The following KASH5 variants were observed in gnomAD, a reference collection of about 807,000 sequenced individuals.
KASH5 encodes the protein protein KASH5.
In KASH5, 72 loss-of-function variants were observed where a neutral mutation model predicts 84.2. The observed-to-expected ratio is 0.85, with a 90% CI of 0.71 to 1.04. The LOEUF (loss-of-function observed/expected upper bound fraction) is 1.04, where lower values mean the gene tolerates loss of function less well. Among genes scored for constraint, KASH5 ranks in the 50% least tolerant of loss-of-function variants. KASH5 has a pLI of 0.00. For synonymous variants in KASH5, 260 were observed against 279.1 expected, an observed-to-expected ratio of 0.93 and a Z score of 0.68; for missense variants, 650 against 701.0, an observed-to-expected ratio of 0.93 and a Z score of 0.82.
chr19:49,395,155 C>T lies in KASH5; in HGVS notation c.198C>T (p.Gly66=), dbSNP rs374512280. The T allele has an allele frequency of 2.0e-4, 317 of 1,612,720 alleles. No individual in the cohort carries two copies. In the African/African-American group the frequency reaches 4.0e-3, roughly 20 times the overall value. The change falls in exon 4 of 20, where the codon GGC becomes GGT. Residue 66 remains glycine, a synonymous_variant. Coordinates refer to ENST00000447857, the MANE Select transcript of KASH5 (RefSeq NM_144688.5). This position sits in a 1 kb window ranked among gnomAD's most constrained non-coding sequence, Gnocchi z 4.4. The stretch of plus-strand genomic sequence containing the variant: ...TGGCCTACCTGGAGGCTGTGACAGG[C>T]CAGGGCCCCCAGGATGCACGCCTCC... ...QVLAYLEAVT[G]QGPQDARLQT...
intron 7 of KASH5, 147 bp from the exon 8 acceptor site, chr19:49,398,878 G>A: frequency 3.2e-6 from 2 of 625,542 alleles, no homozygotes; most frequent in Non-Finnish European, 5.6e-6. Context: ...TTCTCTCTGG[G>A]TCTCTGTCCT....
chr19:49,402,876 A>G (rs1974405707), intron 9 of KASH5, among the ~76,000 whole-genome samples: 1 of 151,532 alleles, frequency 6.6e-6, no homozygotes, highest in African/African-American at 2.5e-5. Flanking sequence ...ACTTCAATCT[A>G]CACGACATTC....
intron 14 of KASH5, 120 bp downstream of exon 14, chr19:49,409,403 C>T (rs1386892553): frequency 1.6e-5 from 17 of 1,067,978 alleles, no homozygotes; most frequent in Middle Eastern, 2.0e-4. Context: ...AGGCTCCTAT[C>T]GCAACCTTAG....
intron 9 of KASH5, among the ~76,000 whole-genome samples, chr19:49,403,085 C>G (rs1974413167): frequency 6.6e-6 from 1 of 152,042 alleles, no homozygotes; most frequent in South Asian, 2.1e-4. Flanking sequence ...AGGCTGGGCG[C>G]GGTGGCTCAC....
Position 49,395,786 on chromosome 19 carries a change from A to C in KASH5, c.353A>C (p.Glu118Ala), listed in dbSNP as rs1366374284. 1 of 1,563,192 alleles carries C rather than the reference A, an allele frequency of 6.4e-7. No homozygotes were observed. Among genetic ancestry groups the C allele is most frequent in the Non-Finnish European group, 8.7e-7 (1 of 1,153,842 alleles). The stretch of plus-strand genomic sequence containing the variant: ...TGATACAGGGGATTAGAGCTGGAAG[A>C]GGAGACCGCCTTCCAGGGAGCCCTG... ...CQLHGGLELE[E>A]ETAFQGALTS... The change falls in exon 5 of 20, where the codon GAG (glutamate) becomes GCG (alanine). Residue 118 changes from glutamate (E) to alanine (A), a missense_variant. By Grantham distance (107) the Glu-to-Ala change is moderately radical. Transcript: ENST00000447857. The surrounding 1 kb of genome is among the most constrained non-coding windows in gnomAD (Gnocchi z 4.4).
In KASH5 at chr19:49,397,988, C is replaced by T. The variant is rs757847535; in HGVS notation, c.474C>T (p.Ala158=). The T allele has an allele frequency of 3.7e-6, 6 of 1,613,834 alleles. No individual in the cohort carries two copies. The South Asian group carries it at 6.6e-5, about 18-fold the overall frequency. The change falls in exon 7 of 20, where the codon GCC becomes GCT. Residue 158 remains alanine (A), a synonymous_variant. Transcript: ENST00000447857. ...GGEDPRPELQ[A]TADLLSSLED... is the part of the protein sequence containing the mutation. Reference sequence around the variant, plus strand: ...ACCCCTTCCTTGCCCCTAGACAAGCCACAGCTGACCTGCTGAGCAGCCTGG... The same window carrying T: ...ACCCCTTCCTTGCCCCTAGACAAGCTACAGCTGACCTGCTGAGCAGCCTGG...
chr19:49,417,776 A>G lies in KASH5; in HGVS notation c.*266A>G, dbSNP rs1974959780. The G allele has an allele frequency of 7.6e-6, 3 of 393,366 alleles. No individual in the cohort carries two copies. The highest frequency in any genetic ancestry group is 1.1e-4 in the South Asian group (1 of 8,814). The allele number at this position is 393,366 out of a possible 1,614,324, so 24.4% of individuals were successfully genotyped here. Reference sequence around the variant, plus strand: ...GCCTGGCGAGGGCAGCTGTGGGCACACAGCTAAGTCTCGGTTGCCTTGGGG... The same window carrying G: ...GCCTGGCGAGGGCAGCTGTGGGCACGCAGCTAAGTCTCGGTTGCCTTGGGG... On this transcript the variant is annotated 3_prime_UTR_variant, in exon 20 of 20. Coordinates refer to ENST00000447857, the MANE Select transcript of KASH5 (RefSeq NM_144688.5). This position sits in a 1 kb window ranked among gnomAD's most constrained non-coding sequence, Gnocchi z 5.2.
intron 12 of KASH5, 71 bp from the exon 13 acceptor site, chr19:49,408,896 G>A: frequency 6.7e-7 from 1 of 1,491,238 alleles, no homozygotes; most frequent in Non-Finnish European, 9.1e-7. Context: ...CCCTGGAAGA[G>A]GAGCCCAGAG....
At chr19:49,406,846 AC>A (rs1974541648) in intron 9 of KASH5, 39 bp from the exon 10 acceptor site, 3 of 1,554,214 alleles carry the variant, frequency 1.9e-6, no homozygotes, top group Non-Finnish European at 2.6e-6. Flanking sequence ...TGACATTACC[AC>A]TTGCTGGAAT....
intron 2 of KASH5, among the ~76,000 whole-genome samples, chr19:49,392,033 A>T (rs1390735736): frequency 6.6e-6 from 1 of 152,168 alleles, no homozygotes; most frequent in African/African-American, 2.4e-5. Flanking sequence ...CAGGCTGTCT[A>T]GTGACAGCCA....
At chr19:49,397,909 C>A (rs770492021) in intron 6 of KASH5, 73 bp from the exon 7 acceptor site, 134 of 1,549,974 alleles carry the variant, frequency 8.6e-5, no homozygotes, top group Admixed American at 5.7e-5. Context: ...TCCCCACCAC[C>A]AGCACCTACC....
chr19:49,411,937 AAGGAAGGAAGG>A (rs1279301127), intron 15 of KASH5, among the ~76,000 whole-genome samples: 1 of 144,094 alleles, frequency 6.9e-6, no homozygotes, highest in Non-Finnish European at 1.5e-5. Context: ...GGAAGGAAGG[AAGGAAGGAAGG>A]AAGGAAGGAA....
At chr19:49,415,158 A>G (rs1974861583) in intron 17 of KASH5, 162 bp downstream of exon 17, 1 of 730,148 alleles carries the variant, frequency 1.4e-6, no homozygotes, top group Non-Finnish European at 2.3e-6. Context: ...GCTGTAGCTA[A>G]TGAGAGCGAT....
intron 5 of KASH5, among the ~76,000 whole-genome samples, chr19:49,396,481 C>T (rs554355613): frequency 5.2e-4 from 79 of 152,186 alleles, no homozygotes; most frequent in African/African-American, 1.8e-3. Flanking sequence ...CTCGAACTCC[C>T]GACCTCAGGT....
intron 16 of KASH5, among the ~76,000 whole-genome samples, 151 bp downstream of exon 16, chr19:49,413,177 A>T (rs541889346): frequency 1.3e-5 from 2 of 152,302 alleles, no homozygotes; most frequent in Admixed American, 1.3e-4. Context: ...CCTGTAGGCC[A>T]GGAGATGAGG....
chr19:49,398,090 G>T lies in KASH5; in HGVS notation c.576G>T (p.Glu192Asp). ...AGCGGAGCATGGAGACAGCTGAGGA[G>T]GGGTCAGCACGCCTTGGGGAGGAGA... Reference protein sequence around the residue: ...KLQRSMETAEEGSARLGEEIL... With the variant: ...KLQRSMETAEDGSARLGEEIL... The change falls in exon 7 of 20, where the codon GAG (glutamate) becomes GAT (aspartate). Residue 192 changes from glutamate (E) to aspartate (D), a missense_variant. By Grantham distance (45) the Glu-to-Asp change is conservative. Coordinates refer to ENST00000447857, the MANE Select transcript of KASH5 (RefSeq NM_144688.5). 1 of 1,612,252 alleles carries T rather than the reference G, an allele frequency of 6.2e-7. No individual in the cohort carries two copies. Among genetic ancestry groups the T allele is most frequent in the South Asian group, 1.1e-5 (1 of 90,996 alleles).
chr19:49,417,651 A>G lies in KASH5; in HGVS notation c.*141A>G. 9.3e-7 allele frequency: 1 copy of G among 1,072,480 alleles called. No homozygotes were observed. Among genetic ancestry groups the G allele is most frequent in the Non-Finnish European group, 1.2e-6 (1 of 807,850 alleles). 66.4% of individuals were successfully genotyped at this position (1,072,480 alleles called of 1,614,324 possible). On this transcript the variant is annotated 3_prime_UTR_variant, in exon 20 of 20. Coordinates refer to ENST00000447857, the MANE Select transcript of KASH5 (RefSeq NM_144688.5). This position sits in a 1 kb window ranked among gnomAD's most constrained non-coding sequence, Gnocchi z 5.2. The stretch of plus-strand genomic sequence containing the variant: ...AGGGGATCCACATCCCTGTATTTTT[A>G]TGTGAAGTCTCCTAGTTTTTTAATG...
Position 49,399,647 on chromosome 19 carries a change from G to A in KASH5, c.798+140G>A, listed in dbSNP as rs1246376828. On this transcript the variant is annotated intron_variant, in intron 9 of 19. Coordinates refer to ENST00000447857, the MANE Select transcript of KASH5 (RefSeq NM_144688.5). The surrounding 1 kb of genome is among the most constrained non-coding windows in gnomAD (Gnocchi z 4.4). The stretch of plus-strand genomic sequence containing the variant: ...GTCAGTAGTGTGGGAATGTCCCTGA[G>A]GTTATATCACACTGTGAGAACAGCC... 1 of 1,515,796 alleles carries A rather than the reference G, an allele frequency of 6.6e-7. No individual in the cohort carries two copies. The highest frequency in any genetic ancestry group is 8.9e-7 in the Non-Finnish European group (1 of 1,128,620). The allele number at this position is 1,515,796 out of a possible 1,614,324, so 93.9% of individuals were successfully genotyped here.
rs746983634 is a variant in KASH5 at position 49,417,213 on chromosome 19, C to T, written c.1494C>T (p.Val498=). 3 of 1,613,862 alleles carry T rather than the reference C, an allele frequency of 1.9e-6. No individual in the cohort carries two copies. The highest frequency in any genetic ancestry group is 1.7e-5 in the Admixed American group (1 of 60,016). The change falls in exon 19 of 20, where the codon GTC becomes GTT. Residue 498 remains valine (V), a synonymous_variant. Transcript: ENST00000447857. The surrounding 1 kb of genome is among the most constrained non-coding windows in gnomAD (Gnocchi z 5.2). ...TGGTGCCTGTGATGAAAAAGCTGGT[C>T]CCAGTCAGGAGGAGGGCCTGGGGCC... ...QALVPVMKKL[V]PVRRRAWGQL... is the part of the protein sequence containing the mutation.
Sources: gnomAD v4.1 joint callset for allele counts (sites outside exome capture counted in the v4.1 genomes callset) on GRCh38, gnomAD v4.1.1 for gene constraint, Gnocchi (gnomAD v3.1) non-coding constraint, MANE v1.5 for transcripts, NCBI Gene and HGNC (gene_info 2026-07-23, HGNC 2026-07-21) for gene names.